The following HCN1 variants were observed in gnomAD, a reference collection of about 807,000 sequenced individuals.
HCN1 encodes potassium/sodium hyperpolarization-activated cyclic nucleotide-gated channel 1.
Under a neutral mutation model 78.9 loss-of-function variants are expected in HCN1, and 13 were observed. That is an observed-to-expected ratio of 0.16 (90% CI 0.11 to 0.26). The LOEUF is 0.26. Among genes scored for constraint, HCN1 ranks in the 10% least tolerant of loss-of-function variants. HCN1 has a pLI of 1.00. For synonymous variants in HCN1, 552 were observed against 455.5 expected, an observed-to-expected ratio of 1.21 and a Z score of -2.70; for missense variants, 810 against 1,154.3, an observed-to-expected ratio of 0.70 and a Z score of 4.32.
At chr5:45,542,224 C>T (rs549879565) in intron 2 of HCN1, among the ~76,000 whole-genome samples, 90 of 152,206 alleles carry the variant, frequency 5.9e-4, no homozygotes, top group Non-Finnish European at 1.1e-3. Flanking sequence ...TGAAACTACA[C>T]ACAAGCAATG....
intron 2 of HCN1, among the ~76,000 whole-genome samples, chr5:45,505,167 G>A (rs531241136): frequency 2.0e-5 from 3 of 152,220 alleles, no homozygotes; most frequent in African/African-American, 4.8e-5. Flanking sequence ...TAGACATGAA[G>A]TCCTTGCCCA....
At chr5:45,544,708 T>A (rs1242715364) in intron 2 of HCN1, among the ~76,000 whole-genome samples, 3 of 151,858 alleles carry the variant, frequency 2.0e-5, no homozygotes, top group African/African-American at 7.3e-5. Context: ...GTGTTTGGTT[T>A]TCTGTCCTTG....
intron 6 of HCN1, among the ~76,000 whole-genome samples, chr5:45,294,802 A>G (rs575836721): frequency 1.3e-5 from 2 of 152,182 alleles, no homozygotes; most frequent in South Asian, 4.1e-4. Flanking sequence ...CCATGGATAG[A>G]TTTGAAGTGA....
At chr5:45,354,752 C>G (rs1313045102) in intron 4 of HCN1, among the ~76,000 whole-genome samples, 1 of 151,960 alleles carries the variant, frequency 6.6e-6, no homozygotes, top group African/African-American at 2.4e-5. Context: ...GCCTGAAGGC[C>G]TATGTACATC....
chr5:45,438,582 T>TC (rs915812756), intron 3 of HCN1, among the ~76,000 whole-genome samples: 2 of 141,232 alleles, frequency 1.4e-5, no homozygotes, highest in Non-Finnish European at 3.0e-5. Context: ...AGAGCGAGAC[T>TC]CCGTCTCAAA....
chr5:45,307,718 G>A (rs904608805), intron 5 of HCN1, among the ~76,000 whole-genome samples: 10 of 152,066 alleles, frequency 6.6e-5, no homozygotes, highest in Admixed American at 4.6e-4. Flanking sequence ...CATGACAAGT[G>A]ACCATAATGT....
At chr5:45,568,635 A>C (rs1379553215) in intron 2 of HCN1, among the ~76,000 whole-genome samples, 3 of 152,064 alleles carry the variant, frequency 2.0e-5, no homozygotes, top group Non-Finnish European at 4.4e-5. Flanking sequence ...ATCATTTTTT[A>C]TTCTGTTATC....
chr5:45,340,248 C>T (rs1746548466), intron 5 of HCN1, among the ~76,000 whole-genome samples: 1 of 152,114 alleles, frequency 6.6e-6, no homozygotes, highest in Non-Finnish European at 1.5e-5. Context: ...AAACACATGA[C>T]ACAGAAAATG....
intron 2 of HCN1, among the ~76,000 whole-genome samples, chr5:45,499,800 T>C (rs1193161591): frequency 2.6e-5 from 4 of 152,166 alleles, no homozygotes; most frequent in African/African-American, 9.7e-5. Context: ...ATTCTATTCA[T>C]AGTAGAAATG....
chr5:45,352,867 G>A (rs188011150), intron 5 of HCN1, among the ~76,000 whole-genome samples: 7 of 152,116 alleles, frequency 4.6e-5, no homozygotes, highest in Non-Finnish European at 8.8e-5. Flanking sequence ...GAATTTTAAA[G>A]AGCCAGAAAT....
At chr5:45,421,170 C>T (rs1740219303) in intron 3 of HCN1, among the ~76,000 whole-genome samples, 1 of 152,124 alleles carries the variant, frequency 6.6e-6, no homozygotes, top group Non-Finnish European at 1.5e-5. Context: ...TCACACCATT[C>T]TCCTGCCTCA....
intron 2 of HCN1, among the ~76,000 whole-genome samples, chr5:45,464,718 TC>T (rs993101050): frequency 2.0e-5 from 3 of 152,110 alleles, no homozygotes; most frequent in African/African-American, 7.2e-5. Context: ...CTCGGCCCGA[TC>T]TGATTGTCTT....
intron 2 of HCN1, among the ~76,000 whole-genome samples, chr5:45,606,591 C>G (rs1446058227): frequency 6.6e-6 from 1 of 151,880 alleles, no homozygotes; most frequent in Non-Finnish European, 1.5e-5. Flanking sequence ...ACAAAAGTCA[C>G]AACTCCAGCA....
At chr5:45,298,575 G>C (rs1432915342) in intron 6 of HCN1, among the ~76,000 whole-genome samples, 1 of 152,112 alleles carries the variant, frequency 6.6e-6, no homozygotes, top group Non-Finnish European at 1.5e-5. Context: ...AATTAATAAA[G>C]TAGTACTGGA....
At chr5:45,552,976 T>C (rs937165388) in intron 2 of HCN1, among the ~76,000 whole-genome samples, 1 of 151,758 alleles carries the variant, frequency 6.6e-6, no homozygotes, top group Non-Finnish European at 1.5e-5. Flanking sequence ...GTTCAGAAAA[T>C]TGCACCTCAA....
At chr5:45,610,033 T>A (rs1201635556) in intron 2 of HCN1, among the ~76,000 whole-genome samples, 1 of 152,110 alleles carries the variant, frequency 6.6e-6, no homozygotes, top group African/African-American at 2.4e-5. Context: ...CATGATTGCA[T>A]CCCGCAGAAG....
chr5:45,573,379 A>C (rs1174242958), intron 2 of HCN1, among the ~76,000 whole-genome samples: 1 of 152,072 alleles, frequency 6.6e-6, no homozygotes, highest in East Asian at 1.9e-4. Context: ...TTCTGCTACC[A>C]AAATCCCATT....
chr5:45,281,329 C>T (rs1745160409), intron 6 of HCN1, among the ~76,000 whole-genome samples: 1 of 151,858 alleles, frequency 6.6e-6, no homozygotes, highest in South Asian at 2.1e-4. Flanking sequence ...TCTCTCTCTC[C>T]TGCTCCACCA....
chr5:45,348,695 AAAC>A (rs1746807611), intron 5 of HCN1, among the ~76,000 whole-genome samples: 3 of 152,212 alleles, frequency 2.0e-5, no homozygotes, highest in African/African-American at 7.2e-5. Flanking sequence ...AGCAAATGGA[AAAC>A]AAAAAAAAGG....
Sources: allele counts gnomAD v4.1 joint callset (sites outside exome capture counted in the v4.1 genomes callset), GRCh38; gene constraint gnomAD v4.1.1; transcripts MANE v1.5; gene names NCBI Gene and HGNC (gene_info 2026-07-23, HGNC 2026-07-21).